Variants in BIRC6 observed in about 807,000 individuals in gnomAD.
BIRC6 encodes the protein baculoviral IAP repeat containing 6.
BIRC6 carries 98 observed loss-of-function variants against 503.3 expected under a neutral mutation model. The ratio of observed to expected loss-of-function variants is 0.19; its 90% CI spans 0.17 to 0.23. The LOEUF is 0.23. Among genes scored for constraint, BIRC6 ranks in the 10% least tolerant of loss-of-function variants. BIRC6 has a pLI of 1.00. For synonymous variants in BIRC6, 2,240 were observed against 2,078.7 expected (o/e 1.08, Z -2.11); for missense variants, 5,360 against 5,806.0 (o/e 0.92, Z 2.50).
At position 32,476,308 on chromosome 2, in the gene BIRC6, G is replaced by C. The variant is rs2049753929; in HGVS notation, c.6816G>C (p.Leu2272=). The change falls in exon 34 of 74, where the codon CTG becomes CTC. Residue 2272 remains leucine (L), a synonymous_variant. Transcript: ENST00000421745. ...ACAAAGGATCATCATATAAACTCCT[G>C]GTAGAACAAGCAAAACTAAAGCAGG... ...QSNKGSSYKL[L]VEQAKLKQAT... The C allele has an allele frequency of 6.4e-7, 1 of 1,574,652 alleles. No homozygotes were observed. Among genetic ancestry groups the C allele is most frequent in the African/African-American group, 1.3e-5 (1 of 74,112 alleles).
chr2:32,584,071 C>A (rs999552514), intron 66 of BIRC6, among the ~76,000 whole-genome samples: 16 of 152,096 alleles, frequency 1.1e-4, no homozygotes, highest in Admixed American at 8.5e-4. Context: ...TATCATCTGT[C>A]ACTTAAAACC....
chr2:32,473,976 C>G, intron 33 of BIRC6, among the ~76,000 whole-genome samples: 1 of 151,834 alleles, frequency 6.6e-6, no homozygotes, highest in Admixed American at 6.6e-5. Context: ...AGGCTGCTCT[C>G]AAACTCCTGG....
At chr2:32,434,121 A>T (rs1028662122) in intron 13 of BIRC6, among the ~76,000 whole-genome samples, 7 of 152,160 alleles carry the variant, frequency 4.6e-5, no homozygotes, top group African/African-American at 1.7e-4. Context: ...AGAAGACTTA[A>T]TTGTGAATAG....
At chr2:32,597,196 C>T (rs2061729757) in intron 68 of BIRC6, among the ~76,000 whole-genome samples, 1 of 152,152 alleles carries the variant, frequency 6.6e-6, no homozygotes, top group Non-Finnish European at 1.5e-5. Context: ...TGATTGGCTG[C>T]CATTTGTTTA....
intron 23 of BIRC6, among the ~76,000 whole-genome samples, chr2:32,458,942 G>A (rs912492933): frequency 1.3e-5 from 2 of 151,706 alleles, no homozygotes; most frequent in Admixed American, 6.6e-5. Flanking sequence ...TGCCTGCCTC[G>A]GCCTCCCAAA....
At chr2:32,459,864 G>A (rs1037713124) in intron 23 of BIRC6, among the ~76,000 whole-genome samples, 1 of 150,996 alleles carries the variant, frequency 6.6e-6, no homozygotes, top group Non-Finnish European at 1.5e-5. Flanking sequence ...CATTCATTTG[G>A]TATTTGTGTA....
intron 6 of BIRC6, 50 bp from the exon 7 acceptor site, chr2:32,401,113 C>T: frequency 6.7e-7 from 1 of 1,502,486 alleles, no homozygotes; most frequent in South Asian, 1.2e-5. Flanking sequence ...AATGTACAAA[C>T]TGAATTGCTT....
At chr2:32,434,181 T>A (rs1468709357) in intron 13 of BIRC6, among the ~76,000 whole-genome samples, 1 of 152,208 alleles carries the variant, frequency 6.6e-6, no homozygotes, top group Non-Finnish European at 1.5e-5. Context: ...CAGCCTTTCA[T>A]GTAATGCTAA....
intron 1 of BIRC6, among the ~76,000 whole-genome samples, chr2:32,364,484 G>A (rs987908605): frequency 8.5e-5 from 13 of 152,190 alleles, no homozygotes; most frequent in African/African-American, 2.2e-4. Flanking sequence ...CTCGTGATCC[G>A]CCCGCCCTGG....
intron 23 of BIRC6, among the ~76,000 whole-genome samples, chr2:32,461,032 CT>C (rs2047859806): frequency 1.2e-5 from 1 of 82,978 alleles, no homozygotes; most frequent in African/African-American, 4.4e-5. Context: ...CTTCTCTTCT[CT>C]TCTCTTCTCT....
intron 2 of BIRC6, chr2:32,379,609 T>G (rs1051030224): frequency 2.0e-5 from 3 of 152,240 alleles, no homozygotes; most frequent in African/African-American, 7.2e-5. Flanking sequence ...TGCATCAGAT[T>G]AGTTTGTCAC....
chr2:32,468,631 A>G lies in BIRC6; in HGVS notation c.5975A>G (p.Gln1992Arg). 1 of 1,614,034 alleles carries G rather than the reference A, an allele frequency of 6.2e-7. No individual in the cohort carries two copies. The highest frequency in any genetic ancestry group is 8.5e-7 in the Non-Finnish European group (1 of 1,179,882). Residue 1992 changes from glutamine (Q) to arginine (R), a missense_variant, in exon 29 of 74, where the codon CAG (glutamine) becomes CGG (arginine). Around this residue, in one of 16 missense-constraint regions of BIRC6, gnomAD observed 2,299 missense variants for 2,267.2 expected, o/e 1.01. Coordinates refer to ENST00000421745, the MANE Select transcript of BIRC6 (RefSeq NM_016252.4). ...LQLNLAHNAV[Q>R]RLKVALGASR... ...CTAAATTTGGCTCATAATGCAGTGC[A>G]GAGGCTCAAAGTGGCGCTAGGTGCA...
chr2:32,419,716 A>G (rs956909247), intron 10 of BIRC6, among the ~76,000 whole-genome samples: 9 of 152,216 alleles, frequency 5.9e-5, no homozygotes, highest in African/African-American at 1.9e-4. Context: ...TATGACCCCA[A>G]CAACATAAAG....
chr2:32,415,947 A>C lies in BIRC6; in HGVS notation c.2656A>C (p.Lys886Gln). The change falls in exon 10 of 74, where the codon AAG becomes CAG. Residue 886 changes from lysine to glutamine, a missense_variant. Physicochemically the swap from Lys to Gln is moderately conservative, Grantham distance 53. Around this residue, in one of 16 missense-constraint regions of BIRC6, gnomAD observed 700 missense variants for 739.3 expected, o/e 0.95. Coordinates refer to ENST00000421745, the MANE Select transcript of BIRC6 (RefSeq NM_016252.4). ...EPIEDMQLTS[K>Q]NGFEREKTSD... ...TATTGAGGACATGCAGTTAACCTCA[A>C]AGAATGGTTTTGAGAGAGAAAAAAC... 1 of 1,613,970 alleles carries C rather than the reference A, an allele frequency of 6.2e-7. No individual in the cohort carries two copies. Among genetic ancestry groups the C allele is most frequent in the Non-Finnish European group, 8.5e-7 (1 of 1,179,844 alleles).
At chr2:32,530,684 C>G (rs2056670346) in intron 60 of BIRC6, among the ~76,000 whole-genome samples, 1 of 152,110 alleles carries the variant, frequency 6.6e-6, no homozygotes, top group Non-Finnish European at 1.5e-5. Context: ...TATGAACTTA[C>G]TTAAACTTTC....
intron 5 of BIRC6, among the ~76,000 whole-genome samples, chr2:32,392,743 C>A (rs2039399379): frequency 6.6e-6 from 1 of 152,126 alleles, no homozygotes; most frequent in Non-Finnish European, 1.5e-5. Context: ...CCCACCTCAG[C>A]CTCCCTGAGT....
intron 54 of BIRC6, 41 bp downstream of exon 54, chr2:32,513,195 A>G (rs2054612138): frequency 6.8e-7 from 1 of 1,470,416 alleles, no homozygotes; most frequent in African/African-American, 1.4e-5. Flanking sequence ...CCCCAGTACT[A>G]GATCAGTTAG....
intron 3 of BIRC6, among the ~76,000 whole-genome samples, chr2:32,384,898 C>T (rs1313615146): frequency 6.6e-6 from 1 of 152,164 alleles, no homozygotes; most frequent in Non-Finnish European, 1.5e-5. Context: ...TGACATATTT[C>T]ATACGTATTT....
intron 9 of BIRC6, among the ~76,000 whole-genome samples, chr2:32,410,313 A>G (rs540626759): frequency 1.3e-5 from 2 of 152,328 alleles, no homozygotes; most frequent in South Asian, 4.1e-4. Flanking sequence ...ACAAAACAAA[A>G]CAAAAAACAA....
Sources: gnomAD v4.1 joint callset for allele counts (sites outside exome capture counted in the v4.1 genomes callset) on GRCh38, gnomAD v4.1.1 for gene constraint, gnomAD v4.1.1 regional missense constraint, MANE v1.5 for transcripts, NCBI Gene and HGNC (gene_info 2026-07-23, HGNC 2026-07-21) for gene names.